The following TFRC variants were observed in gnomAD, a reference collection of about 807,000 sequenced individuals.
The protein encoded by TFRC is transferrin receptor, also known as transferrin receptor protein 1.
TFRC carries 35 observed loss-of-function variants against 85.8 expected under a neutral mutation model. The ratio of observed to expected loss-of-function variants is 0.41; its 90% CI spans 0.31 to 0.54. The LOEUF (loss-of-function observed/expected upper bound fraction) is 0.54. Among genes scored for constraint, TFRC ranks in the 20% least tolerant of loss-of-function variants. The pLI, the probability that TFRC is intolerant of heterozygous loss-of-function variation, is 0.31. For synonymous variants in TFRC, 362 were observed against 328.6 expected (o/e 1.10, Z -1.10); for missense variants, 828 against 921.5 (o/e 0.90, Z 1.31).
At position 196,067,699 on chromosome 3, in the gene TFRC, T is replaced by G. The variant is rs747422880; in HGVS notation, c.901-42A>C. ...GCAATTCACTCCATCACATACTTCC[T>G]CAAAACTTCTCTGTAAGATTCAGGT... On this transcript the variant is annotated intron_variant, in intron 8 of 18. Coordinates refer to ENST00000360110, the MANE Select transcript of TFRC (RefSeq NM_001128148.3). The G allele has an allele frequency of 7.5e-6, 12 of 1,597,432 alleles. No homozygotes were observed. The South Asian group carries it at 1.4e-4, about 18-fold the overall frequency.
At position 196,077,706 on chromosome 3, in the gene TFRC, C is replaced by T. The variant is rs565338983; in HGVS notation, c.-23-584G>A. On this transcript the variant is annotated intron_variant, in intron 1 of 18. Transcript: ENST00000360110. ...GGTGGAGCTTGCAGTGAGCCAAGAT[C>T]GCGCCACTGCACTCCAGCCTGGAAA... Among the ~76,000 whole-genome samples the T allele has an allele frequency of 7.0e-4, 107 of 151,946 alleles. 1 individual carries two copies. Among genetic ancestry groups the T allele is most frequent in the Middle Eastern group, 3.4e-3 (1 of 294 alleles).
Position 196,065,481 on chromosome 3 carries a change from A to G in TFRC, c.1160T>C (p.Leu387Pro), listed in dbSNP as rs770886917. Residue 387 changes from leucine to proline, a missense_variant, in exon 10 of 19, where the codon CTT (leucine) becomes CCT (proline). Physicochemically the swap from Leu to Pro is moderately conservative, Grantham distance 98. Coordinates refer to ENST00000360110, the MANE Select transcript of TFRC (RefSeq NM_001128148.3). ...VSNVLKEIKI[L>P]NIFGVIKGFV... is the part of the protein sequence containing the mutation. The stretch of plus-strand genomic sequence containing the variant: ...GCCTTTAATAACTCCAAAGATGTTA[A>G]GAATTTTTATCTCTTTCAGCACATT... 3.2e-6 allele frequency: 5 copies of G among 1,560,094 alleles called. No individual in the cohort carries two copies. The highest frequency in any genetic ancestry group is 1.7e-5 in the Admixed American group (1 of 57,166).
Position 196,065,590 on chromosome 3 carries a change from CT to C in TFRC, c.1050del (p.Gly351GlufsTer16), listed in dbSNP as rs1478194792. On this transcript the variant is annotated frameshift_variant, in exon 10 of 19. Transcript: ENST00000360110. LOFTEE classifies it high-confidence loss of function. ...GTTTTCCAGTCAGAGGGACAGTCTC[CT>C]TCCATATTCCTAGAATCAGAAAGCA... The part of the protein sequence containing the change: ...AAAEKLFGNM[E>X]GDCPSDWKTD... 1 of 1,602,082 alleles carries C rather than the reference CT, an allele frequency of 6.2e-7. No homozygotes were observed. Among genetic ancestry groups the C allele is most frequent in the African/African-American group, 1.3e-5 (1 of 74,110 alleles).
intron 16 of TFRC, 129 bp from the exon 17 acceptor site, chr3:196,055,430 T>A: frequency 1.4e-6 from 1 of 714,176 alleles, no homozygotes; most frequent in Non-Finnish European, 2.4e-6. Context: ...CTACCGCAAT[T>A]TACCCCAATT....
intron 5 of TFRC, 54 bp downstream of exon 5, chr3:196,071,949 C>T: frequency 6.3e-7 from 1 of 1,575,406 alleles, no homozygotes; most frequent in Non-Finnish European, 8.6e-7. Context: ...CTATATTTAG[C>T]ACACCTGAAA....
At chr3:196,053,910 G>A (rs1716552414) in intron 17 of TFRC, among the ~76,000 whole-genome samples, 1 of 152,230 alleles carries the variant, frequency 6.6e-6, no homozygotes, top group Non-Finnish European at 1.5e-5. Flanking sequence ...CACCTGGTAA[G>A]TTCCATTTTC....
chr3:196,055,041 A>C, intron 17 of TFRC, 39 bp downstream of exon 17: 3 of 1,586,930 alleles, frequency 1.9e-6, no homozygotes, highest in Non-Finnish European at 1.7e-6. Flanking sequence ...AATACTTGAC[A>C]TTCAGCAAAA....
intron 9 of TFRC, among the ~76,000 whole-genome samples, chr3:196,066,290 C>G (rs892682533): frequency 1.3e-5 from 2 of 152,026 alleles, no homozygotes; most frequent in South Asian, 4.1e-4. Context: ...ATTCTTAGCT[C>G]AGTTATAAAA....
intron 6 of TFRC, 183 bp from the exon 7 acceptor site, chr3:196,069,751 G>A: frequency 2.1e-6 from 1 of 484,238 alleles, no homozygotes; most frequent in African/African-American, 2.0e-5. Flanking sequence ...CAGAGCTATT[G>A]GAATAAAATC....
chr3:196,070,020 A>T (rs573817361), intron 6 of TFRC, among the ~76,000 whole-genome samples: 4 of 152,234 alleles, frequency 2.6e-5, no homozygotes, highest in Non-Finnish European at 4.4e-5. Flanking sequence ...TCCTAAGCTC[A>T]TAAGAGTCCA....
intron 1 of TFRC, among the ~76,000 whole-genome samples, chr3:196,081,635 T>C (rs1304112622): frequency 6.6e-6 from 1 of 152,174 alleles, no homozygotes; most frequent in African/African-American, 2.4e-5. Context: ...GCCGGCGCAC[T>C]AGGGCCTGCG....
At chr3:196,080,530 C>T (rs1227497503) in intron 1 of TFRC, among the ~76,000 whole-genome samples, 1 of 152,228 alleles carries the variant, frequency 6.6e-6, no homozygotes, top group East Asian at 1.9e-4. Context: ...GGAGCCAATG[C>T]GCCCAGCCGA....
intron 6 of TFRC, among the ~76,000 whole-genome samples, chr3:196,070,949 C>A (rs1010982204): frequency 6.6e-6 from 1 of 151,930 alleles, no homozygotes; most frequent in Non-Finnish European, 1.5e-5. Flanking sequence ...TGTCTCAAAA[C>A]AAAAATAGAA....
intron 17 of TFRC, among the ~76,000 whole-genome samples, chr3:196,054,380 G>C (rs1000778086): frequency 6.6e-6 from 1 of 151,826 alleles, no homozygotes; most frequent in Non-Finnish European, 1.5e-5. Context: ...ATTCCAGCCT[G>C]GGGGACAAGA....
Position 196,049,791 on chromosome 3 carries a change from A to G in TFRC, c.*2151T>C. 4.3e-6 allele frequency: 1 copy of G among 230,228 alleles called. No individual in the cohort carries two copies. The highest frequency in any genetic ancestry group is 8.6e-6 in the Non-Finnish European group (1 of 116,182). The allele number at this position is 230,228 out of a possible 1,614,324, so 14.3% of individuals were successfully genotyped here. ...TAGCTACGCTAAATGTCAGTCCAAG[A>G]TAAAAGAGGAGATTAAAGATAAAAC... On this transcript the variant is annotated 3_prime_UTR_variant, in exon 19 of 19. Transcript: ENST00000360110.
At chr3:196,065,141 A>C (rs979630798) in intron 10 of TFRC, among the ~76,000 whole-genome samples, 3 of 152,038 alleles carry the variant, frequency 2.0e-5, no homozygotes, top group Non-Finnish European at 4.4e-5. Context: ...GCATGCCTGT[A>C]ATCCCAGCTA....
In TFRC at chr3:196,065,485, T is replaced by C. The variant is rs745399746; in HGVS notation, c.1156A>G (p.Ile386Val). The C allele has an allele frequency of 1.3e-6, 2 of 1,581,270 alleles. No homozygotes were observed. Among genetic ancestry groups the C allele is most frequent in the Non-Finnish European group, 1.7e-6 (2 of 1,160,224 alleles). The change falls in exon 10 of 19, where the codon ATT (isoleucine) becomes GTT (valine). Residue 386 changes from isoleucine (I) to valine (V), a missense_variant. Transcript: ENST00000360110. Reference sequence around the variant, plus strand: ...TTAATAACTCCAAAGATGTTAAGAATTTTTATCTCTTTCAGCACATTGCTC... The same window carrying C: ...TTAATAACTCCAAAGATGTTAAGAACTTTTATCTCTTTCAGCACATTGCTC... ...TVSNVLKEIK[I>V]LNIFGVIKGF...
Position 196,049,667 on chromosome 3 carries a change from G to A in TFRC, c.*2275C>T, listed in dbSNP as rs1231334453. On this transcript the variant is annotated 3_prime_UTR_variant, in exon 19 of 19. Coordinates refer to ENST00000360110, the MANE Select transcript of TFRC (RefSeq NM_001128148.3). ...CTCACTGCTGCAAAATGCATGCCCT[G>A]TATTCATATTGTGTTATACGATGAA... The A allele has an allele frequency of 8.7e-6, 2 of 228,782 alleles. No individual in the cohort carries two copies. The highest frequency in any genetic ancestry group is 1.2e-4 in the East Asian group (2 of 16,028). 14.2% of individuals were successfully genotyped at this position (228,782 alleles called of 1,614,324 possible). A position where few individuals can be genotyped will look rare whatever the true frequency, so the allele number is the denominator to read the frequency against.
At chr3:196,068,979 A>C (rs898755489) in intron 7 of TFRC, among the ~76,000 whole-genome samples, 9 of 151,800 alleles carry the variant, frequency 5.9e-5, no homozygotes, top group African/African-American at 2.2e-4. Flanking sequence ...ATCTAAGACA[A>C]CCACTTTTTT....
Sources: allele counts gnomAD v4.1 joint callset (sites outside exome capture counted in the v4.1 genomes callset), GRCh38; gene constraint gnomAD v4.1.1; transcripts MANE v1.5; gene names NCBI Gene and HGNC (gene_info 2026-07-23, HGNC 2026-07-21).